The following CHIA variants were observed in gnomAD, a reference collection of about 807,000 sequenced individuals.
CHIA encodes the protein acidic mammalian chitinase.
In CHIA, 47 loss-of-function variants were observed where a neutral mutation model predicts 53.5. The ratio of observed to expected loss-of-function variants is 0.88; its 90% CI spans 0.70 to 1.12. CHIA has a LOEUF of 1.12. Ranked by LOEUF, CHIA falls within the 50% of genes most tolerant of loss-of-function variation. The pLI, the probability that CHIA is intolerant of heterozygous loss-of-function variation, is 0.00. For missense variants in CHIA, 652 were observed against 592.2 expected, an observed-to-expected ratio of 1.10 and a Z score of -1.05; for synonymous variants, 268 against 222.2, an observed-to-expected ratio of 1.21 and a Z score of -1.83.
chr1:111,310,593 C>A lies in CHIA; in HGVS notation c.25+101C>A, dbSNP rs969834514. The A allele has an allele frequency of 1.9e-6, 3 of 1,558,726 alleles. No individual in the cohort carries two copies. The Admixed American group carries it at 6.0e-5, about 31-fold the overall frequency. On this transcript the variant is annotated intron_variant, in intron 2 of 11. Transcript: ENST00000369740. Reference sequence around the variant, plus strand: ...GTGGTCTTCATACTACATCCCTATACTTTTCCATTCTTCTTTCATCATTTC... The same window carrying A: ...GTGGTCTTCATACTACATCCCTATAATTTTCCATTCTTCTTTCATCATTTC...
At position 111,319,177 on chromosome 1, in the gene CHIA, C is replaced by T. The variant is rs765676898; in HGVS notation, c.973C>T (p.Pro325Ser). ...GGGATGGGATGCCCCTCAGGAAGTGCCTTATGCCTATCAGGGCAATGTGTG... is the reference window on the plus strand; with the variant it reads ...GGGATGGGATGCCCCTCAGGAAGTGTCTTATGCCTATCAGGGCAATGTGTG... ...TQGWDAPQEV[P>S]YAYQGNVWVG... The change falls in exon 10 of 12, where the codon CCT (proline) becomes TCT (serine). Residue 325 changes from proline (P) to serine (S), a missense_variant. By Grantham distance (74) the Pro-to-Ser change is moderately conservative (BLOSUM62 -1). Transcript: ENST00000369740. The T allele has an allele frequency of 1.2e-6, 2 of 1,614,170 alleles. No individual in the cohort carries two copies. Among genetic ancestry groups the T allele is most frequent in the South Asian group, 2.2e-5 (2 of 91,074 alleles).
intron 1 of CHIA, among the ~76,000 whole-genome samples, chr1:111,296,904 T>C (rs1661374476): frequency 6.6e-6 from 1 of 152,172 alleles, no homozygotes; most frequent in Non-Finnish European, 1.5e-5. Flanking sequence ...CGGAAAACCA[T>C]GGCACGAGAA....
intron 4 of CHIA, among the ~76,000 whole-genome samples, 193 bp downstream of exon 4, chr1:111,312,584 G>A (rs796090026): frequency 7.2e-5 from 11 of 152,180 alleles, no homozygotes; most frequent in African/African-American, 2.2e-4. Context: ...ATATGTATAC[G>A]GTGCGGAATG....
At chr1:111,299,621 C>G (rs993423360) in intron 1 of CHIA, among the ~76,000 whole-genome samples, 1 of 152,296 alleles carries the variant, frequency 6.6e-6, no homozygotes, top group East Asian at 1.9e-4. Context: ...GACAAACCCA[C>G]AGCCAATATC....
chr1:111,297,713 T>G (rs1647292804), intron 1 of CHIA, among the ~76,000 whole-genome samples: 1 of 151,872 alleles, frequency 6.6e-6, no homozygotes, highest in South Asian at 2.1e-4. Context: ...AGCATCAAAT[T>G]CACACATAAC....
At chr1:111,315,845 A>G in intron 6 of CHIA, 1 of 449,224 alleles carries the variant, frequency 2.2e-6, no homozygotes, top group Non-Finnish European at 4.5e-6. Flanking sequence ...GCTTCTAAGC[A>G]TTACACTAGG....
chr1:111,305,917 A>G (rs1013907771), intron 1 of CHIA, among the ~76,000 whole-genome samples: 1 of 152,244 alleles, frequency 6.6e-6, no homozygotes, highest in African/African-American at 2.4e-5. Flanking sequence ...AAGTTTTTAT[A>G]TAAAGATTAA....
chr1:111,308,091 C>T (rs80278879), intron 1 of CHIA, among the ~76,000 whole-genome samples: 1,926 of 152,260 alleles, frequency 0.013, 34 homozygotes, highest in African/African-American at 0.044. Context: ...GACTCATAAA[C>T]GCAGTAATTC....
intron 1 of CHIA, among the ~76,000 whole-genome samples, chr1:111,299,882 G>T (rs756095256): frequency 9.9e-5 from 15 of 152,170 alleles, no homozygotes; most frequent in Non-Finnish European, 1.9e-4. Flanking sequence ...CTTCAACAAA[G>T]TCTCAGGATA....
Position 111,312,251 on chromosome 1 carries a change from G to T in CHIA, c.117G>T (p.Gly39=). 3.1e-6 allele frequency: 5 copies of T among 1,614,094 alleles called. No individual in the cohort carries two copies. The highest frequency in any genetic ancestry group is 4.2e-6 in the Non-Finnish European group (5 of 1,180,000). Residue 39 remains glycine (G), a synonymous_variant, in exon 4 of 12, where the codon GGG becomes GGT. Transcript: ENST00000369740. ...TNWAQYRPGL[G]RFMPDNIDPC... is the part of the protein sequence containing the mutation. ...GGGCCCAGTACCGGCCAGGCCTGGG[G>T]CGCTTCATGCCTGACAACATCGACC...
chr1:111,307,112 A>G (rs1388304767), intron 1 of CHIA, among the ~76,000 whole-genome samples: 2 of 152,232 alleles, frequency 1.3e-5, no homozygotes, highest in East Asian at 3.8e-4. Flanking sequence ...TAAACACTGG[A>G]AAAACTGTTG....
chr1:111,320,457 C>T lies in CHIA; in HGVS notation c.1422C>T (p.Asn474=), dbSNP rs1368309857. Residue 474 remains asparagine, a synonymous_variant, in exon 12 of 12, where the codon AAC becomes AAT. Transcript: ENST00000369740. ...TCGACACCAGCTGTGATTGCTGCAA[C>T]TGGGCATAAACCTGACCTGGTCTAT... ...LVFDTSCDCC[N]WA The T allele has an allele frequency of 5.0e-6, 8 of 1,613,884 alleles. No individual in the cohort carries two copies. Among genetic ancestry groups the T allele is most frequent in the Admixed American group, 3.3e-5 (2 of 60,002 alleles).
At chr1:111,318,769 C>A in intron 9 of CHIA, 91 bp downstream of exon 9, 1 of 1,377,010 alleles carries the variant, frequency 7.3e-7, no homozygotes, top group Non-Finnish European at 1.0e-6. Flanking sequence ...TTCATTCTGT[C>A]TCCTACCTAA....
At chr1:111,314,684 C>T in intron 5 of CHIA, 88 bp downstream of exon 5, 1 of 893,788 alleles carries the variant, frequency 1.1e-6, no homozygotes, top group South Asian at 1.4e-5. Flanking sequence ...ACTTCACAAT[C>T]TAAGACAGGG....
chr1:111,309,106 A>G (rs186340461), intron 1 of CHIA, among the ~76,000 whole-genome samples: 1 of 152,298 alleles, frequency 6.6e-6, no homozygotes, highest in East Asian at 1.9e-4. Context: ...GTTAATAGGG[A>G]CAGCAAACCA....
intron 1 of CHIA, among the ~76,000 whole-genome samples, chr1:111,299,130 T>C (rs1192024453): frequency 1.3e-5 from 2 of 152,144 alleles, no homozygotes; most frequent in Non-Finnish European, 2.9e-5. Context: ...CAAGACCAGA[T>C]GGATTCACAG....
chr1:111,312,059 A>T (rs141615278), intron 3 of CHIA, 131 bp from the exon 4 acceptor site: 1 of 714,206 alleles, frequency 1.4e-6, no homozygotes, highest in Non-Finnish European at 2.5e-6. Context: ...AAGAGTGTTC[A>T]TACTAATTAC....
intron 1 of CHIA, among the ~76,000 whole-genome samples, chr1:111,304,295 T>TTAGG (rs1473856984): frequency 1.3e-5 from 2 of 152,194 alleles, no homozygotes; most frequent in Non-Finnish European, 2.9e-5. Flanking sequence ...TTGGGAAGTG[T>TTAGG]TAGGCCATTA....
chr1:111,305,500 C>G (rs905302340), intron 1 of CHIA, among the ~76,000 whole-genome samples: 4 of 152,208 alleles, frequency 2.6e-5, no homozygotes, highest in African/African-American at 9.6e-5. Context: ...ATAAGCTGCT[C>G]CTGGAACACA....
Sources: allele counts gnomAD v4.1 joint callset (sites outside exome capture counted in the v4.1 genomes callset), GRCh38; gene constraint gnomAD v4.1.1; transcripts MANE v1.5; gene names NCBI Gene and HGNC (gene_info 2026-07-23, HGNC 2026-07-21).